The following MXI1 variants were observed in gnomAD, a reference collection of about 807,000 sequenced individuals.
The protein encoded by MXI1 is MAX interactor 1, dimerization protein.
A neutral mutation model predicts 36.9 loss-of-function variants in MXI1; 18 were observed. That is an observed-to-expected ratio of 0.49 (90% CI 0.34 to 0.72). MXI1 has a LOEUF of 0.72. MXI1 is among the 30% of genes least tolerant of loss of function. The pLI is 0.01. For synonymous variants in MXI1, 160 were observed against 146.7 expected (o/e 1.09, Z -0.65); for missense variants, 304 against 379.1 (o/e 0.80, Z 1.64).
intron 3 of MXI1, among the ~76,000 whole-genome samples, chr10:110,266,390 G>A (rs1564722492): frequency 6.6e-6 from 1 of 152,156 alleles, no homozygotes; most frequent in Non-Finnish European, 1.5e-5. Context: ...TTACAGGTGT[G>A]AGCCACCGTG....
Position 110,284,776 on chromosome 10 carries a change from G to A in MXI1, c.725-48G>A, listed in dbSNP as rs369893863. The A allele has an allele frequency of 9.8e-5, 150 of 1,532,612 alleles. 1 individual carries two copies. In the Middle Eastern group the frequency reaches 3.7e-3, roughly 38 times the overall value. The allele number at this position is 1,532,612 out of a possible 1,614,324, so 94.9% of individuals were successfully genotyped here. A position where few individuals can be genotyped will look rare whatever the true frequency, so the allele number is the denominator to read the frequency against. ...TCATGCTGTTAGTTTTTGAAGGTGC[G>A]CTATACTCGATAATTAATGTTCTTC... On this transcript the variant is annotated intron_variant, in intron 5 of 5. Transcript: ENST00000332674.
rs1033706964 is a variant in MXI1 at position 110,285,101 on chromosome 10, A to G, written c.*114A>G. On this transcript the variant is annotated 3_prime_UTR_variant, in exon 6 of 6. Transcript: ENST00000332674. Reference sequence around the variant, plus strand: ...CTCCTCTTTAAAACAAAACAAAACAAAACAAAACTATACTTGAACAAAAGG... The same window carrying G: ...CTCCTCTTTAAAACAAAACAAAACAGAACAAAACTATACTTGAACAAAAGG... The G allele has an allele frequency of 7.6e-6, 8 of 1,049,108 alleles. No homozygotes were observed. The African/African-American group carries it at 1.1e-4, about 15-fold the overall frequency. The allele number at this position is 1,049,108 out of a possible 1,614,324, so 65.0% of individuals were successfully genotyped here. A position where few individuals can be genotyped will look rare whatever the true frequency, so the allele number is the denominator to read the frequency against.
At chr10:110,266,125 T>TTA (rs1344159068) in intron 3 of MXI1, among the ~76,000 whole-genome samples, 3 of 151,848 alleles carry the variant, frequency 2.0e-5, no homozygotes, top group African/African-American at 7.3e-5. Context: ...TTTTTTTTTT[T>TTA]GAGACAGAGT....
At chr10:110,273,578 G>T (rs1856930005) in intron 3 of MXI1, among the ~76,000 whole-genome samples, 1 of 151,778 alleles carries the variant, frequency 6.6e-6, no homozygotes, top group South Asian at 2.1e-4. Flanking sequence ...TGGTATATAT[G>T]TGTAGGAAAA....
At position 110,228,234 on chromosome 10, in the gene MXI1, C is replaced by A. The variant is rs778338387; in HGVS notation, c.320C>A (p.Pro107His). The change falls in exon 2 of 6, where the codon CCC becomes CAC. Residue 107 changes from proline to histidine, a missense_variant. This residue lies in a region of MXI1 where 179 missense variants were observed against 184.8 expected (regional missense o/e 0.97). Transcript: ENST00000332674. ...YASSFPSMPSPRLQHSKPPRR... is the reference protein window; with the variant it reads ...YASSFPSMPSHRLQHSKPPRR... ...TCTTCATTCCCGTCCATGCCGAGCC[C>A]CCGACTGCAGCATTCAAAGCCCCCA... 6.2e-7 allele frequency: 1 copy of A among 1,614,102 alleles called. No individual in the cohort carries two copies. Among genetic ancestry groups the A allele is most frequent in the Non-Finnish European group, 8.5e-7 (1 of 1,180,000 alleles).
intron 1 of MXI1, among the ~76,000 whole-genome samples, chr10:110,214,401 C>T (rs577987727): frequency 6.6e-6 from 1 of 152,018 alleles, no homozygotes; most frequent in East Asian, 1.9e-4. Context: ...GTTTAGGGCT[C>T]CTAGGAAACA....
chr10:110,273,798 G>C (rs948740493), intron 3 of MXI1, among the ~76,000 whole-genome samples: 1 of 152,194 alleles, frequency 6.6e-6, no homozygotes, highest in African/African-American at 2.4e-5. Flanking sequence ...GTATCCTATA[G>C]TGGAAGAATG....
At chr10:110,278,701 G>GGT (rs368265649) in intron 3 of MXI1, among the ~76,000 whole-genome samples, 2,367 of 115,990 alleles carry the variant, frequency 0.02, 24 homozygotes, top group Non-Finnish European at 0.023. Context: ...AGAGAGGTAG[G>GGT]GTGTGTGTGT....
chr10:110,279,994 G>A lies in MXI1; in HGVS notation c.633G>A (p.Leu211=). 6.2e-7 allele frequency: 1 copy of A among 1,613,420 alleles called. No homozygotes were observed. The highest frequency in any genetic ancestry group is 8.5e-7 in the Non-Finnish European group (1 of 1,179,550). ...AACAGAGATTTTTAAAGTGGCGACT[G>A]GAACAGCTGCAGGGTCCTCAGGAGA... ...EREQRFLKWR[L]EQLQGPQEME... is the part of the protein sequence containing the mutation. Residue 211 remains leucine, a synonymous_variant, in exon 5 of 6, where the codon CTG becomes CTA. Transcript: ENST00000332674.
intron 2 of MXI1, among the ~76,000 whole-genome samples, chr10:110,233,691 T>C (rs1156635354): frequency 6.6e-6 from 1 of 152,144 alleles, no homozygotes; most frequent in African/African-American, 2.4e-5. Context: ...TCCAGTGAAA[T>C]GTGTTTTGTG....
chr10:110,216,156 G>A (rs1854631820), intron 1 of MXI1, among the ~76,000 whole-genome samples: 2 of 152,212 alleles, frequency 1.3e-5, no homozygotes, highest in African/African-American at 4.8e-5. Flanking sequence ...CTTATGAAAT[G>A]TTTTGAAAGT....
rs759982286 is a variant in MXI1 at position 110,279,297 on chromosome 10, G to A, written c.552+3G>A. 1.9e-6 allele frequency: 3 copies of A among 1,612,690 alleles called. No individual in the cohort carries two copies. The highest frequency in any genetic ancestry group is 3.3e-5 in the Admixed American group (2 of 59,992). ...ACAAAGCCAAAGCACACATCAAGGT[G>A]AGAATTTTTACTTTCAGATTTGCAC... On this transcript the variant is annotated splice_donor_region_variant and intron_variant, in intron 4 of 5. Transcript: ENST00000332674.
intron 1 of MXI1, among the ~76,000 whole-genome samples, chr10:110,218,146 A>G (rs143527542): frequency 1.3e-3 from 191 of 152,238 alleles, no homozygotes; most frequent in Non-Finnish European, 1.9e-3. Context: ...GAAATGTGCA[A>G]GAGTCAAGAA....
chr10:110,280,429 C>G (rs1204639714), intron 5 of MXI1, among the ~76,000 whole-genome samples: 1 of 151,576 alleles, frequency 6.6e-6, no homozygotes, highest in Non-Finnish European at 1.5e-5. Context: ...GCCTGTAATC[C>G]CAGCACTCTG....
intron 3 of MXI1, among the ~76,000 whole-genome samples, chr10:110,260,386 T>C (rs956152944): frequency 6.6e-6 from 1 of 151,928 alleles, no homozygotes; most frequent in South Asian, 2.1e-4. Context: ...GTTGTTACTC[T>C]GCTGTTTCTG....
At chr10:110,219,075 G>A (rs897983758) in intron 1 of MXI1, among the ~76,000 whole-genome samples, 1 of 152,218 alleles carries the variant, frequency 6.6e-6, no homozygotes, top group African/African-American at 2.4e-5. Context: ...CGAAGTGGGT[G>A]GATCACCTGA....
intron 5 of MXI1, 21 bp downstream of exon 5, chr10:110,280,106 C>G (rs544141104): frequency 1.3e-6 from 2 of 1,559,142 alleles, no homozygotes; most frequent in African/African-American, 1.4e-5. Context: ...TGCCTCTTCT[C>G]TAATGAAATA....
chr10:110,227,562 A>C, intron 1 of MXI1: 4 of 864,798 alleles, frequency 4.6e-6, no homozygotes, highest in Non-Finnish European at 5.4e-6. Flanking sequence ...GATAAGAGGA[A>C]GGAGGAACAC....
At chr10:110,224,742 G>A (rs1319797107) in intron 1 of MXI1, among the ~76,000 whole-genome samples, 2 of 151,780 alleles carry the variant, frequency 1.3e-5, no homozygotes, top group Admixed American at 1.3e-4. Context: ...CCGCCTCCCG[G>A]GTTCAAGCGA....
Sources: gnomAD v4.1 joint callset for allele counts (sites outside exome capture counted in the v4.1 genomes callset) on GRCh38, gnomAD v4.1.1 for gene constraint, gnomAD v4.1.1 regional missense constraint, MANE v1.5 for transcripts, NCBI Gene and HGNC (gene_info 2026-07-23, HGNC 2026-07-21) for gene names.